The following JARID2 variants were observed in gnomAD, a reference collection of about 807,000 sequenced individuals.
JARID2 encodes jumonji and AT-rich interaction domain containing 2.
In JARID2, 21 loss-of-function variants were observed where a neutral mutation model predicts 125.6. The ratio of observed to expected loss-of-function variants is 0.17; its 90% CI spans 0.12 to 0.24. JARID2 has a LOEUF of 0.24. JARID2 is among the 10% of genes least tolerant of loss of function. The probability of loss-of-function intolerance (pLI) is 1.00; values close to 1 mark genes in which losing one functional copy is unlikely to be tolerated. For synonymous variants in JARID2, 736 were observed against 661.6 expected (o/e 1.11, Z -1.73); for missense variants, 1,303 against 1,639.6 (o/e 0.79, Z 3.55).
chr6:15,404,809 T>A (rs532782935), intron 2 of JARID2, among the ~76,000 whole-genome samples: 1 of 152,318 alleles, frequency 6.6e-6, no homozygotes, highest in African/African-American at 2.4e-5. Context: ...AAGCCCTCCT[T>A]GTTTTTCCTT....
At chr6:15,249,969 A>T (rs764716405) in intron 1 of JARID2, among the ~76,000 whole-genome samples, 1 of 152,206 alleles carries the variant, frequency 6.6e-6, no homozygotes, top group Non-Finnish European at 1.5e-5. Context: ...CGTTTCCATC[A>T]TTCCACTGCC....
chr6:15,322,200 A>G (rs1047347628), intron 1 of JARID2, among the ~76,000 whole-genome samples: 4 of 152,222 alleles, frequency 2.6e-5, no homozygotes, highest in African/African-American at 9.6e-5. Context: ...CCAAACAGGC[A>G]TGTAGAATCA....
intron 1 of JARID2, among the ~76,000 whole-genome samples, chr6:15,321,932 A>G (rs1035394455): frequency 6.6e-6 from 1 of 151,682 alleles, no homozygotes; most frequent in African/African-American, 2.4e-5. Context: ...AGCTGGGATT[A>G]CACTGCCCAG....
At chr6:15,484,390 G>GAACC (rs1280950401) in intron 5 of JARID2, among the ~76,000 whole-genome samples, 3 of 152,362 alleles carry the variant, frequency 2.0e-5, no homozygotes, top group Admixed American at 6.5e-5. Context: ...GGAGTAGGAG[G>GAACC]TTGTATTGGG....
At chr6:15,323,008 C>T (rs550925366) in intron 1 of JARID2, among the ~76,000 whole-genome samples, 11 of 152,228 alleles carry the variant, frequency 7.2e-5, no homozygotes, top group African/African-American at 1.9e-4. Context: ...GCAATTTGGT[C>T]GTAGCAGCAG....
chr6:15,495,865 G>A lies in JARID2; in HGVS notation c.907-267G>A, dbSNP rs866097154. Reference sequence around the variant, plus strand: ...CGTGAAAATGCACCCAGGAAACCCCGCTAGGAAGCGCCTGGGGCAGTTTGC... The same window carrying A: ...CGTGAAAATGCACCCAGGAAACCCCACTAGGAAGCGCCTGGGGCAGTTTGC... On this transcript the variant is annotated intron_variant, in intron 6 of 17. Transcript: ENST00000341776. Among the ~76,000 whole-genome samples, 4 of 152,188 alleles carry A rather than the reference G, an allele frequency of 2.6e-5. No individual in the cohort carries two copies. In the East Asian group the frequency reaches 5.8e-4, roughly 22 times the overall value.
At chr6:15,255,648 C>T (rs2127304588) in intron 1 of JARID2, among the ~76,000 whole-genome samples, 1 of 152,224 alleles carries the variant, frequency 6.6e-6, no homozygotes, top group African/African-American at 2.4e-5. Flanking sequence ...TTGGTTCTCT[C>T]TCGGTTTCAG....
At chr6:15,437,160 A>G (rs1385145659) in intron 3 of JARID2, among the ~76,000 whole-genome samples, 3 of 152,072 alleles carry the variant, frequency 2.0e-5, no homozygotes, top group Non-Finnish European at 4.4e-5. Context: ...TCCCAAGCCA[A>G]TTTCTGTCCC....
At chr6:15,331,840 CCCCTTTCTGCAGTTT>C (rs1762721014) in intron 1 of JARID2, among the ~76,000 whole-genome samples, 1 of 152,102 alleles carries the variant, frequency 6.6e-6, no homozygotes, top group South Asian at 2.1e-4. Context: ...ACGGTGGGAC[CCCCTTTCTGCAGTTT>C]CGCTTTCTGT....
intron 1 of JARID2, among the ~76,000 whole-genome samples, chr6:15,332,582 G>C (rs1003627336): frequency 2.6e-5 from 4 of 152,172 alleles, no homozygotes; most frequent in African/African-American, 9.7e-5. Context: ...CAGGAGAAGA[G>C]ACCACAGTGT....
intron 12 of JARID2, chr6:15,509,050 A>G (rs2127759643): frequency 3.1e-6 from 4 of 1,288,926 alleles, no homozygotes; most frequent in Non-Finnish European, 3.0e-6. Flanking sequence ...CCATGTGGAG[A>G]CACGCGCGTT....
rs1768857246 is a variant in JARID2 at position 15,468,530 on chromosome 6, T to A, written c.494-12T>A. On this transcript the variant is annotated splice_polypyrimidine_tract_variant and intron_variant, in intron 4 of 17. Transcript: ENST00000341776. ...GGCCTGTGTTTATGAGCTGTTTTTCTTATTCCACCAGGTTCTCCTGCGCTG... is the reference window on the plus strand; with the variant it reads ...GGCCTGTGTTTATGAGCTGTTTTTCATATTCCACCAGGTTCTCCTGCGCTG... The A allele has an allele frequency of 6.2e-7, 1 of 1,607,166 alleles. No homozygotes were observed. The highest frequency in any genetic ancestry group is 8.5e-7 in the Non-Finnish European group (1 of 1,176,090).
chr6:15,279,924 A>G (rs1446100158), intron 1 of JARID2, among the ~76,000 whole-genome samples: 2 of 152,156 alleles, frequency 1.3e-5, no homozygotes, highest in Non-Finnish European at 2.9e-5. Context: ...TAACTTGCAG[A>G]TCATCTGGAT....
chr6:15,386,646 C>T (rs1764800468), intron 2 of JARID2, among the ~76,000 whole-genome samples: 1 of 152,186 alleles, frequency 6.6e-6, no homozygotes, highest in Non-Finnish European at 1.5e-5. Flanking sequence ...AATGTATTTG[C>T]TCATTGTGGA....
intron 1 of JARID2, among the ~76,000 whole-genome samples, chr6:15,303,948 C>A (rs1403407291): frequency 6.6e-5 from 10 of 152,156 alleles, no homozygotes. Flanking sequence ...TGGGTTGAGA[C>A]CTCAACAACA....
At chr6:15,380,077 C>T (rs1446631453) in intron 2 of JARID2, among the ~76,000 whole-genome samples, 1 of 151,222 alleles carries the variant, frequency 6.6e-6, no homozygotes. Context: ...GCTCTGTTGC[C>T]CAGGCTGGAG....
chr6:15,515,892 G>T (rs920302933), intron 16 of JARID2, among the ~76,000 whole-genome samples: 1 of 151,448 alleles, frequency 6.6e-6, no homozygotes, highest in Non-Finnish European at 1.5e-5. Flanking sequence ...AAAATTAGCC[G>T]TGCATGATGT....
rs1771762281 is a variant in JARID2 at position 15,520,113 on chromosome 6, T to C, written c.3603T>C (p.Ser1201=). 2 of 1,613,638 alleles carry C rather than the reference T, an allele frequency of 1.2e-6. No homozygotes were observed. Among genetic ancestry groups the C allele is most frequent in the South Asian group, 2.2e-5 (2 of 91,044 alleles). ...SLVNQICGKV[S]GKNGSIENCL... ...TCAATCAGATCTGCGGCAAAGTGTCTGGTAAAAACGGCAGCATTGAGAACT... is the reference window on the plus strand; with the variant it reads ...TCAATCAGATCTGCGGCAAAGTGTCCGGTAAAAACGGCAGCATTGAGAACT... The change falls in exon 18 of 18, where the codon TCT becomes TCC. Residue 1201 remains serine, a synonymous_variant. Transcript: ENST00000341776.
At chr6:15,444,366 T>C (rs781637803) in intron 3 of JARID2, among the ~76,000 whole-genome samples, 26 of 152,228 alleles carry the variant, frequency 1.7e-4, no homozygotes, top group Non-Finnish European at 2.8e-4. Context: ...AGGATGTGTT[T>C]ATTTTCTCTT....
Sources: allele counts gnomAD v4.1 joint callset (sites outside exome capture counted in the v4.1 genomes callset), GRCh38; gene constraint gnomAD v4.1.1; transcripts MANE v1.5; gene names NCBI Gene and HGNC (gene_info 2026-07-23, HGNC 2026-07-21).